The following XIRP2 variants were observed in gnomAD, a reference collection of about 807,000 sequenced individuals.
XIRP2 encodes xin actin-binding repeat-containing protein 2.
Under a neutral mutation model 277.0 loss-of-function variants are expected in XIRP2, and 236 were observed. That is an observed-to-expected ratio of 0.85 (90% CI 0.77 to 0.95). The LOEUF is 0.95. Among genes scored for constraint, XIRP2 ranks in the 40% least tolerant of loss-of-function variants. The probability of loss-of-function intolerance (pLI) is 0.00; values close to 1 mark genes in which losing one functional copy is unlikely to be tolerated. For synonymous variants in XIRP2, 1,490 were observed against 1,416.5 expected (o/e 1.05, Z -1.17); for missense variants, 4,640 against 4,157.5 (o/e 1.12, Z -3.19).
intron 3 of XIRP2, among the ~76,000 whole-genome samples, chr2:167,192,342 T>C (rs1286188570): frequency 6.6e-6 from 1 of 152,184 alleles, no homozygotes; most frequent in Non-Finnish European, 1.5e-5. Flanking sequence ...GGGTAATTTA[T>C]CAATATCTCT....
At chr2:166,905,737 T>C (rs1310208850) in intron 2 of XIRP2, among the ~76,000 whole-genome samples, 1 of 151,918 alleles carries the variant, frequency 6.6e-6, no homozygotes, top group Non-Finnish European at 1.5e-5. Flanking sequence ...TGCAAACTTA[T>C]TTTCTATATA....
At chr2:166,979,542 G>A (rs1474595219) in intron 2 of XIRP2, among the ~76,000 whole-genome samples, 1 of 151,274 alleles carries the variant, frequency 6.6e-6, no homozygotes. Flanking sequence ...CTATTTATCA[G>A]ACTAAAAAAG....
intron 3 of XIRP2, among the ~76,000 whole-genome samples, chr2:167,161,448 G>T (rs1157593368): frequency 6.6e-6 from 1 of 152,200 alleles, no homozygotes; most frequent in Non-Finnish European, 1.5e-5. Context: ...TCTAGGCAAA[G>T]GTTCCCAAAC....
At position 167,150,486 on chromosome 2, in the gene XIRP2, A is replaced by C. The variant is rs1199830209; in HGVS notation, c.562+14424A>C. On this transcript the variant is annotated intron_variant, in intron 3 of 10. Transcript: ENST00000409195. ...GCAGTATTGGTTTTATTAGAAAAAA[A>C]TGGATACAGTTTAAATGCCAATTAC... 2.6e-5 allele frequency among the ~76,000 whole-genome samples: 4 copies of C among 152,122 alleles called. No homozygotes were observed. In the East Asian group the frequency reaches 7.7e-4, roughly 29 times the overall value.
At chr2:167,071,378 A>G (rs556743896) in intron 2 of XIRP2, among the ~76,000 whole-genome samples, 1 of 152,316 alleles carries the variant, frequency 6.6e-6, no homozygotes, top group African/African-American at 2.4e-5. Flanking sequence ...AAAAAGTAAT[A>G]TGAGTTACAA....
chr2:167,200,068 G>A (rs939301960), intron 3 of XIRP2, among the ~76,000 whole-genome samples: 1 of 152,188 alleles, frequency 6.6e-6, no homozygotes, highest in Non-Finnish European at 1.5e-5. Flanking sequence ...TAAATAGAAT[G>A]AGTAATGAAA....
At chr2:167,078,898 G>A (rs1017676666) in intron 2 of XIRP2, among the ~76,000 whole-genome samples, 1 of 149,402 alleles carries the variant, frequency 6.7e-6, no homozygotes, top group African/African-American at 2.5e-5. Flanking sequence ...ACAATATATT[G>A]AATAGGAGTG....
At chr2:167,173,957 A>T (rs1692768449) in intron 3 of XIRP2, among the ~76,000 whole-genome samples, 2 of 152,192 alleles carry the variant, frequency 1.3e-5, no homozygotes, top group Non-Finnish European at 2.9e-5. Context: ...CATCCCAGGG[A>T]TGAAGCCAAC....
rs988318041 is a variant in XIRP2 at position 167,239,774 on chromosome 2, T to C, written c.859-81T>C. On this transcript the variant is annotated intron_variant, in intron 5 of 10. Coordinates refer to ENST00000409195, the MANE Select transcript of XIRP2 (RefSeq NM_152381.6). ...AAGAATCTCATTTTTTTTCAGAAAT[T>C]GTCACTGAAATTGCACAAATAAAAA... is the stretch of plus-strand genomic sequence containing the variant. 16 of 1,180,488 alleles carry C rather than the reference T, an allele frequency of 1.4e-5. No homozygotes were observed. The East Asian group carries it at 4.0e-4, about 30-fold the overall frequency. The allele number at this position is 1,180,488 out of a possible 1,614,324, so 73.1% of individuals were successfully genotyped here.
rs1391326126 is a variant in XIRP2, at chr2:167,250,175, C to T, written c.8783C>T (p.Ser2928Phe). 6.2e-7 allele frequency: 1 copy of T among 1,613,408 alleles called. No individual in the cohort carries two copies. Among genetic ancestry groups the T allele is most frequent in the Non-Finnish European group, 8.5e-7 (1 of 1,179,644 alleles). The change falls in exon 9 of 11, where the codon TCC becomes TTC. Residue 2928 changes from serine to phenylalanine, a missense_variant. Coordinates refer to ENST00000409195, the MANE Select transcript of XIRP2 (RefSeq NM_152381.6). ...ATTACACAGAACAAATCTTTCTTTT[C>T]CTCTGTGAAAGAATCCCAGCGGGAT... ...QEITQNKSFF[S>F]SVKESQRDDG...
intron 2 of XIRP2, among the ~76,000 whole-genome samples, chr2:166,907,279 G>T (rs1558910919): frequency 6.6e-6 from 1 of 152,142 alleles, no homozygotes; most frequent in Non-Finnish European, 1.5e-5. Context: ...ACAAAAATTT[G>T]TTGCAAAATT....
At chr2:167,095,398 CA>C (rs1690273178) in intron 2 of XIRP2, among the ~76,000 whole-genome samples, 1 of 152,092 alleles carries the variant, frequency 6.6e-6, no homozygotes, top group African/African-American at 2.4e-5. Flanking sequence ...TGCCGGTTTT[CA>C]AAGGGAATGC....
chr2:167,187,989 C>A (rs1225230423), intron 3 of XIRP2, among the ~76,000 whole-genome samples: 1 of 152,104 alleles, frequency 6.6e-6, no homozygotes, highest in East Asian at 1.9e-4. Flanking sequence ...GAAAATTATT[C>A]TTTTTCAGCC....
chr2:167,015,418 T>TATC (rs1553478319), intron 2 of XIRP2, among the ~76,000 whole-genome samples: 1 of 147,148 alleles, frequency 6.8e-6, no homozygotes, highest in Admixed American at 6.9e-5. Context: ...TATCTGTCTT[T>TATC]TATCTATCTA....
intron 2 of XIRP2, among the ~76,000 whole-genome samples, chr2:167,071,720 G>A (rs1689441866): frequency 6.6e-6 from 1 of 152,176 alleles, no homozygotes; most frequent in African/African-American, 2.4e-5. Flanking sequence ...TGAAAACGGG[G>A]AAAGTATTAT....
intron 3 of XIRP2, among the ~76,000 whole-genome samples, chr2:167,149,019 T>C (rs1400883453): frequency 1.3e-5 from 2 of 152,088 alleles, no homozygotes; most frequent in African/African-American, 4.8e-5. Context: ...AGATCACTGA[T>C]GCCTTAGGAA....
intron 2 of XIRP2, among the ~76,000 whole-genome samples, chr2:166,966,810 A>G (rs929667493): frequency 6.6e-6 from 1 of 152,040 alleles, no homozygotes; most frequent in African/African-American, 2.4e-5. Context: ...TTGCAAAACA[A>G]AAGTCAAACT....
chr2:167,060,236 A>G (rs973339736), intron 2 of XIRP2, among the ~76,000 whole-genome samples: 2 of 152,224 alleles, frequency 1.3e-5, no homozygotes, highest in Non-Finnish European at 2.9e-5. Context: ...CCCTTTATGT[A>G]TGAAATAGGG....
At chr2:166,895,241 C>T (rs187258584) in intron 1 of XIRP2, among the ~76,000 whole-genome samples, 140 of 152,252 alleles carry the variant, frequency 9.2e-4, no homozygotes, top group Non-Finnish European at 1.6e-3. Context: ...ATTAAAATGT[C>T]CACATTGGTT....
Sources: allele counts gnomAD v4.1 joint callset (sites outside exome capture counted in the v4.1 genomes callset), GRCh38; gene constraint gnomAD v4.1.1; transcripts MANE v1.5; gene names NCBI Gene and HGNC (gene_info 2026-07-23, HGNC 2026-07-21).